The following VPS39 variants were observed in gnomAD, a reference collection of about 807,000 sequenced individuals.
VPS39 encodes vam6/Vps39-like protein.
A neutral mutation model predicts 121.0 loss-of-function variants in VPS39; 70 were observed. The observed-to-expected ratio is 0.58, with a 90% CI of 0.48 to 0.71. VPS39 has a LOEUF of 0.71. Ranked by LOEUF, VPS39 falls within the 30% of genes least tolerant of loss-of-function variation. The pLI, the probability that VPS39 is intolerant of heterozygous loss-of-function variation, is 0.00. For synonymous variants in VPS39, 378 were observed against 398.1 expected (o/e 0.95, Z 0.60); for missense variants, 818 against 1,051.5 (o/e 0.78, Z 3.07).
chr15:42,171,239 AG>A (rs1304181606), intron 11 of VPS39, among the ~76,000 whole-genome samples: 3 of 152,224 alleles, frequency 2.0e-5, no homozygotes, highest in Admixed American at 6.5e-5. Context: ...CCTAGCAGTC[AG>A]GGTTCTAAGT....
At position 42,160,502 on chromosome 15, in the gene VPS39, G is replaced by A; in HGVS notation, c.*252C>T. The A allele has an allele frequency of 2.0e-6, 1 of 498,164 alleles. No homozygotes were observed. The highest frequency in any genetic ancestry group is 2.7e-5 in the South Asian group (1 of 36,672). The allele number at this position is 498,164 out of a possible 1,614,324, so 30.9% of individuals were successfully genotyped here. A position where few individuals can be genotyped will look rare whatever the true frequency, so the allele number is the denominator to read the frequency against. ...TGGTGCACATCCTCCTGACCAAGCA[G>A]GTACTGAATTCTCTGGAATTGCCCA... On this transcript the variant is annotated 3_prime_UTR_variant, in exon 25 of 25. Coordinates refer to ENST00000318006, the MANE Select transcript of VPS39 (RefSeq NM_015289.5).
rs2049095023 is a variant in VPS39 at position 42,159,829 on chromosome 15, G to A, written c.*925C>T. 6.6e-6 allele frequency: 1 copy of A among 152,358 alleles called. No individual in the cohort carries two copies. Among genetic ancestry groups the A allele is most frequent in the South Asian group, 2.1e-4 (1 of 4,836 alleles). The allele number at this position is 152,358 out of a possible 1,614,324, so 9.4% of individuals were successfully genotyped here. On this transcript the variant is annotated 3_prime_UTR_variant, in exon 25 of 25. Transcript: ENST00000318006. ...CAAAATCGCCACGCACAAAGACTAA[G>A]CCAGCCTGCCTGAGTGTCTGGTGAG... is the stretch of plus-strand genomic sequence containing the variant.
intron 4 of VPS39, 121 bp downstream of exon 4, chr15:42,191,004 C>T (rs1380150737): frequency 2.7e-6 from 3 of 1,103,168 alleles, no homozygotes; most frequent in Non-Finnish European, 4.1e-6. Context: ...CCCTGTTATA[C>T]CAGGTTTGGA....
At chr15:42,195,426 T>C (rs1363390935) in intron 2 of VPS39, among the ~76,000 whole-genome samples, 3 of 152,072 alleles carry the variant, frequency 2.0e-5, no homozygotes, top group Non-Finnish European at 4.4e-5. Context: ...GATACAAAAA[T>C]GGCTCAGCCC....
chr15:42,189,070 A>G (rs758232466), intron 5 of VPS39, 44 bp downstream of exon 5: 5 of 1,393,420 alleles, frequency 3.6e-6, no homozygotes, highest in Non-Finnish European at 5.1e-6. Flanking sequence ...GAAAGACTGT[A>G]TTGATTAAAG....
chr15:42,179,580 A>C (rs1433115073), intron 8 of VPS39, among the ~76,000 whole-genome samples: 13 of 7,046 alleles, frequency 1.8e-3, no homozygotes, highest in Admixed American at 0.018. Context: ...CATCTCAATA[A>C]ATAAATAAAT....
chr15:42,179,853 G>C (rs188436255), intron 8 of VPS39, among the ~76,000 whole-genome samples: 5 of 152,224 alleles, frequency 3.3e-5, no homozygotes, highest in African/African-American at 1.2e-4. Context: ...CAGTGCAAAA[G>C]TGTTGGGAGG....
rs1034967148 is a variant in VPS39, at chr15:42,164,849, T to A, written c.1897+147A>T. On this transcript the variant is annotated intron_variant, in intron 18 of 24. Transcript: ENST00000318006. ...CTGAGTCTCATGTGCCAGGCTTGTG[T>A]CACTTAGCTCCCCTGGCTCCTCTTC... 5.5e-6 allele frequency: 8 copies of A among 1,451,868 alleles called. No individual in the cohort carries two copies. In the African/African-American group the frequency reaches 1.0e-4, roughly 18 times the overall value. 89.9% of individuals were successfully genotyped at this position (1,451,868 alleles called of 1,614,324 possible).
At chr15:42,178,668 C>T in intron 8 of VPS39, 98 bp from the exon 9 acceptor site, 2 of 1,496,454 alleles carry the variant, frequency 1.3e-6, no homozygotes, top group Middle Eastern at 2.4e-4. Flanking sequence ...AAATGGATCT[C>T]CAAAAAGTCC....
At chr15:42,174,806 T>C (rs1873238015) in intron 10 of VPS39, among the ~76,000 whole-genome samples, 1 of 151,992 alleles carries the variant, frequency 6.6e-6, no homozygotes, top group South Asian at 2.1e-4. Flanking sequence ...GAAACCCGTC[T>C]CTACTAAAAA....
chr15:42,203,299 T>C (rs2050103838), intron 1 of VPS39, among the ~76,000 whole-genome samples: 1 of 151,756 alleles, frequency 6.6e-6, no homozygotes, highest in South Asian at 2.1e-4. Context: ...TGGAAACCCA[T>C]CTCTACTAAA....
At position 42,184,441 on chromosome 15, in the gene VPS39, G is replaced by A. The variant is rs1263127364; in HGVS notation, c.718+76C>T. Reference sequence around the variant, plus strand: ...ACGTAAACCAGTCTGCTAAAGCTACGAATGGGACTCCGTTCTGCAGGAATG... The same window carrying A: ...ACGTAAACCAGTCTGCTAAAGCTACAAATGGGACTCCGTTCTGCAGGAATG... On this transcript the variant is annotated intron_variant, in intron 8 of 24. Coordinates refer to ENST00000318006, the MANE Select transcript of VPS39 (RefSeq NM_015289.5). 31 of 1,460,020 alleles carry A rather than the reference G, an allele frequency of 2.1e-5. No individual in the cohort carries two copies. In the South Asian group the frequency reaches 3.3e-4, roughly 16 times the overall value. 90.4% of individuals were successfully genotyped at this position (1,460,020 alleles called of 1,614,324 possible).
At chr15:42,189,390 T>TA (rs1234012551) in intron 4 of VPS39, among the ~76,000 whole-genome samples, 182 bp from the exon 5 acceptor site, 1 of 152,148 alleles carries the variant, frequency 6.6e-6, no homozygotes, top group African/African-American at 2.4e-5. Context: ...ACAAAGCATT[T>TA]AAGAGGTCAC....
chr15:42,184,624 T>C lies in VPS39; in HGVS notation c.611A>G (p.Asp204Gly). The change falls in exon 8 of 25, where the codon GAT becomes GGT. Residue 204 changes from aspartate (D) to glycine (G), a missense_variant. Physicochemically the swap from Asp to Gly is moderately conservative, Grantham distance 94. Coordinates refer to ENST00000318006, the MANE Select transcript of VPS39 (RefSeq NM_015289.5). ...ATCCTGGCCCACAGCCACTTTTCCA[T>C]CTGCCAGAGGTGCAACTAAGGGCTC... ...QLEPLVAPLA[D>G]GKVAVGQDDL... is the part of the protein sequence containing the mutation. 6 of 1,614,160 alleles carry C rather than the reference T, an allele frequency of 3.7e-6. No individual in the cohort carries two copies. The highest frequency in any genetic ancestry group is 5.1e-6 in the Non-Finnish European group (6 of 1,180,030).
At position 42,160,789 on chromosome 15, in the gene VPS39, A is replaced by T; in HGVS notation, c.2593T>A (p.Phe865Ile). The change falls in exon 25 of 25, where the codon TTC becomes ATC. Residue 865 changes from phenylalanine (F) to isoleucine (I), a missense_variant. By Grantham distance (21) the Phe-to-Ile change is conservative. Transcript: ENST00000318006. ...GCTGGGTTTACCTCTTTGGAACAGA[A>T]GTAATGGACGACCACTCCATTGGGG... ...RYPNGVVVHY[F>I]CSKEVNPADT The T allele has an allele frequency of 6.2e-7, 1 of 1,614,230 alleles. No homozygotes were observed. Among genetic ancestry groups the T allele is most frequent in the Non-Finnish European group, 8.5e-7 (1 of 1,180,036 alleles).
At chr15:42,206,085 C>T (rs551101560) in intron 1 of VPS39, among the ~76,000 whole-genome samples, 1 of 152,286 alleles carries the variant, frequency 6.6e-6, no homozygotes, top group South Asian at 2.1e-4. Flanking sequence ...GCTGAAAAGG[C>T]AGCAGGATTA....
intron 8 of VPS39, among the ~76,000 whole-genome samples, chr15:42,181,094 A>G (rs2049571808): frequency 6.6e-6 from 1 of 152,260 alleles, no homozygotes; most frequent in African/African-American, 2.4e-5. Flanking sequence ...CATTATTCAC[A>G]GCAGCCAATG....
At position 42,162,100 on chromosome 15, in the gene VPS39, C is replaced by T; in HGVS notation, c.2392G>A (p.Glu798Lys). Residue 798 changes from glutamate (E) to lysine (K), a missense_variant, in exon 23 of 25, where the codon GAA becomes AAA. Physicochemically the swap from Glu to Lys is moderately conservative, Grantham distance 56 (BLOSUM62 1). Coordinates refer to ENST00000318006, the MANE Select transcript of VPS39 (RefSeq NM_015289.5). ...DIRIFLEKVL[E>K]ENAQKKRFNQ... ...AACCGTTTCTTTTGTGCATTTTCTT[C>T]CAAGACCTTTTCCAGGAAGATGCGT... 2 of 1,614,178 alleles carry T rather than the reference C, an allele frequency of 1.2e-6. No homozygotes were observed. The highest frequency in any genetic ancestry group is 1.7e-6 in the Non-Finnish European group (2 of 1,180,042).
Position 42,163,720 on chromosome 15 carries a change from C to T in VPS39, c.2035G>A (p.Glu679Lys). The T allele has an allele frequency of 6.2e-7, 1 of 1,611,270 alleles. No individual in the cohort carries two copies. Among genetic ancestry groups the T allele is most frequent in the Non-Finnish European group, 8.5e-7 (1 of 1,178,666 alleles). The change falls in exon 20 of 25, where the codon GAA (glutamate) becomes AAA (lysine). Residue 679 changes from glutamate to lysine, a missense_variant. Transcript: ENST00000318006. ...ICDFPFDGLL[E>K]ERALLLGRMG... ...CGCCCCAACAGGAGAGCTCGTTCTT[C>T]TAAGAGGCCTAGGAGGAAAAGGAAT...
Sources: gnomAD v4.1 joint callset for allele counts (sites outside exome capture counted in the v4.1 genomes callset) on GRCh38, gnomAD v4.1.1 for gene constraint, MANE v1.5 for transcripts, NCBI Gene and HGNC (gene_info 2026-07-23, HGNC 2026-07-21) for gene names.